The following OXSR1 variants were observed in gnomAD, a reference collection of about 807,000 sequenced individuals.
OXSR1 encodes oxidative stress responsive kinase 1.
OXSR1 carries 24 observed loss-of-function variants against 79.8 expected under a neutral mutation model. The observed-to-expected ratio is 0.30, with a 90% CI of 0.22 to 0.42. The LOEUF is 0.42. OXSR1 is among the 10% of genes least tolerant of loss of function. OXSR1 has a pLI of 1.00. For synonymous variants in OXSR1, 226 were observed against 209.2 expected (o/e 1.08, Z -0.69); for missense variants, 430 against 618.4 (o/e 0.70, Z 3.23).
chr3:38,172,541 A>G (rs879476256), intron 1 of OXSR1, among the ~76,000 whole-genome samples: 1 of 152,162 alleles, frequency 6.6e-6, no homozygotes, highest in Non-Finnish European at 1.5e-5. Flanking sequence ...TCTATTCTTG[A>G]CTTTCCCTTC....
intron 3 of OXSR1, among the ~76,000 whole-genome samples, chr3:38,196,699 T>G (rs1702078125): frequency 6.6e-6 from 1 of 152,248 alleles, no homozygotes; most frequent in Non-Finnish European, 1.5e-5. Context: ...TTTGCAGACT[T>G]AGTCACTTTT....
intron 4 of OXSR1, among the ~76,000 whole-genome samples, chr3:38,199,484 C>G (rs1247893001): frequency 6.6e-6 from 1 of 152,076 alleles, no homozygotes; most frequent in Non-Finnish European, 1.5e-5. Flanking sequence ...CTGCCATGGC[C>G]TTCTAAAGTG....
chr3:38,171,404 T>C (rs1701579501), intron 1 of OXSR1, among the ~76,000 whole-genome samples: 1 of 152,244 alleles, frequency 6.6e-6, no homozygotes, highest in Non-Finnish European at 1.5e-5. Context: ...TTTGGGATCA[T>C]TTAAATTTTG....
In OXSR1 at chr3:38,213,949, A is replaced by G. The variant is rs573134704; in HGVS notation, c.435-2147A>G. On this transcript the variant is annotated intron_variant, in intron 4 of 17. Coordinates refer to ENST00000311806, the MANE Select transcript of OXSR1 (RefSeq NM_005109.3). ...TATTTGGAGATAGTTCCATGTCAACATGTATGTTCATTAGTATTCAAAGTA... is the reference window on the plus strand; with the variant it reads ...TATTTGGAGATAGTTCCATGTCAACGTGTATGTTCATTAGTATTCAAAGTA... Among the ~76,000 whole-genome samples the G allele has an allele frequency of 5.9e-5, 9 of 152,280 alleles. No homozygotes were observed. The East Asian group carries it at 1.7e-3, about 29-fold the overall frequency.
At chr3:38,245,154 G>T (rs1262300955) in intron 12 of OXSR1, among the ~76,000 whole-genome samples, 1 of 151,974 alleles carries the variant, frequency 6.6e-6, no homozygotes, top group Non-Finnish European at 1.5e-5. Context: ...TTTATTCCTT[G>T]TCTCCTTGAT....
chr3:38,214,784 T>C (rs1247731148), intron 4 of OXSR1, among the ~76,000 whole-genome samples: 1 of 152,236 alleles, frequency 6.6e-6, no homozygotes, highest in Admixed American at 6.5e-5. Flanking sequence ...AAAGGCATTG[T>C]ATACTGTAGT....
chr3:38,233,077 C>G (rs765397156), intron 10 of OXSR1, among the ~76,000 whole-genome samples: 2 of 152,126 alleles, frequency 1.3e-5, no homozygotes, highest in African/African-American at 4.8e-5. Context: ...GTCCCTCCCC[C>G]ACTCCATGCT....
chr3:38,234,093 A>G lies in OXSR1; in HGVS notation c.952-2746A>G, dbSNP rs192191968. 2.2e-3 allele frequency among the ~76,000 whole-genome samples: 333 copies of G among 152,298 alleles called. 1 individual carries two copies. Among genetic ancestry groups the G allele is most frequent in the African/African-American group, 7.6e-3 (314 of 41,572 alleles). ...GTCTTTTACTCTCGTCCTACAAAAA[A>G]TTAACTCAAAATGGATTGTTGACCT... On this transcript the variant is annotated intron_variant, in intron 10 of 17. Transcript: ENST00000311806.
At chr3:38,190,330 G>GA (rs1229718499) in intron 2 of OXSR1, among the ~76,000 whole-genome samples, 34 of 150,338 alleles carry the variant, frequency 2.3e-4, no homozygotes, top group Admixed American at 8.0e-4. Context: ...ATTTTGCAAA[G>GA]AAAAAAAAAT....
chr3:38,244,711 G>A (rs913930414), intron 12 of OXSR1, among the ~76,000 whole-genome samples: 1 of 146,890 alleles, frequency 6.8e-6, no homozygotes, highest in African/African-American at 2.5e-5. Flanking sequence ...GTGGACACTT[G>A]GTTTGCTTCT....
At position 38,255,374 on chromosome 3, in the gene OXSR1, T is replaced by C. The variant is rs1703343942; in HGVS notation, c.*2483T>C. The C allele has an allele frequency of 6.5e-6, 1 of 152,686 alleles. No individual in the cohort carries two copies. Among genetic ancestry groups the C allele is most frequent in the African/African-American group, 2.4e-5 (1 of 41,470 alleles). 9.5% of individuals were successfully genotyped at this position (152,686 alleles called of 1,614,324 possible). On this transcript the variant is annotated 3_prime_UTR_variant, in exon 18 of 18. Coordinates refer to ENST00000311806, the MANE Select transcript of OXSR1 (RefSeq NM_005109.3). ...AATAAGTGGAGATTCCTCCTTATGA[T>C]GTATGCTAGGTTATGGAAGATGTAA...
At chr3:38,171,621 C>T (rs187303468) in intron 1 of OXSR1, among the ~76,000 whole-genome samples, 7 of 151,336 alleles carry the variant, frequency 4.6e-5, no homozygotes, top group Admixed American at 4.6e-4. Flanking sequence ...ACAGAATCTC[C>T]TCTTAGGAAC....
At chr3:38,213,271 G>T (rs559666055) in intron 4 of OXSR1, among the ~76,000 whole-genome samples, 1 of 152,126 alleles carries the variant, frequency 6.6e-6, no homozygotes, top group African/African-American at 2.4e-5. Flanking sequence ...CATGAAAATG[G>T]CACCTTACTT....
In OXSR1 at chr3:38,253,587, C is replaced by CGAAGG. The variant is rs1703302912; in HGVS notation, c.*696_*697insGAAGG. On this transcript the variant is annotated 3_prime_UTR_variant, in exon 18 of 18. Transcript: ENST00000311806. ...CATCTGACTGTAGCCGAACTTCAGCCATCAGATCCTTCAAAGTGGAACTTT... is the reference window on the plus strand; with the variant it reads ...CATCTGACTGTAGCCGAACTTCAGCCGAAGGATCAGATCCTTCAAAGTGGAACTTT... The CGAAGG allele has an allele frequency of 6.6e-6, 1 of 152,644 alleles. No individual in the cohort carries two copies. Among genetic ancestry groups the CGAAGG allele is most frequent in the Non-Finnish European group, 1.5e-5 (1 of 68,074 alleles). The allele number at this position is 152,644 out of a possible 1,614,324, so 9.5% of individuals were successfully genotyped here. A position where few individuals can be genotyped will look rare whatever the true frequency, so the allele number is the denominator to read the frequency against.
At chr3:38,199,273 C>CTT (rs762400923) in intron 4 of OXSR1, among the ~76,000 whole-genome samples, 4 of 142,502 alleles carry the variant, frequency 2.8e-5, no homozygotes, top group Admixed American at 7.0e-5. Flanking sequence ...AGCCTTTTTT[C>CTT]TTTTTTTTTT....
rs377496555 is a variant in OXSR1, at chr3:38,221,693, G to T, written c.600+6G>T. ...CACCTGAAGTTATGGAACAGGTACC[G>T]TGTCTTTTTTTCTGTTTTAAATGGG... On this transcript the variant is annotated splice_donor_region_variant and intron_variant, in intron 6 of 17. Coordinates refer to ENST00000311806, the MANE Select transcript of OXSR1 (RefSeq NM_005109.3). 6.4e-7 allele frequency: 1 copy of T among 1,550,524 alleles called. No homozygotes were observed.
At position 38,165,566 on chromosome 3, in the gene OXSR1, G is replaced by A. The variant is rs967801722; in HGVS notation, c.-311G>A. Reference sequence around the variant, plus strand: ...CGTGCGTGGGGCTGGGGTGGAGGGCGGGACAGAGGGGCTGGGCCCAGGCAA... The same window carrying A: ...CGTGCGTGGGGCTGGGGTGGAGGGCAGGACAGAGGGGCTGGGCCCAGGCAA... On this transcript the variant is annotated 5_prime_UTR_variant, in exon 1 of 18. Transcript: ENST00000311806. 18 of 378,390 alleles carry A rather than the reference G, an allele frequency of 4.8e-5. No individual in the cohort carries two copies. The highest frequency in any genetic ancestry group is 1.2e-4 in the South Asian group (3 of 25,900). The allele number at this position is 378,390 out of a possible 1,614,324, so 23.4% of individuals were successfully genotyped here.
At chr3:38,178,442 A>G (rs1701714835) in intron 1 of OXSR1, among the ~76,000 whole-genome samples, 1 of 151,518 alleles carries the variant, frequency 6.6e-6, no homozygotes. Flanking sequence ...TCATATATGT[A>G]TATTTTTTAT....
chr3:38,175,195 A>G (rs1345015591), intron 1 of OXSR1, among the ~76,000 whole-genome samples: 1 of 152,250 alleles, frequency 6.6e-6, no homozygotes, highest in Non-Finnish European at 1.5e-5. Flanking sequence ...CTATAAGCCT[A>G]TTATAGTGAT....
Sources: allele counts gnomAD v4.1 joint callset (sites outside exome capture counted in the v4.1 genomes callset), GRCh38; gene constraint gnomAD v4.1.1; transcripts MANE v1.5; gene names NCBI Gene and HGNC (gene_info 2026-07-23, HGNC 2026-07-21).